Variants in FNBP1 observed in about 807,000 individuals in gnomAD.
FNBP1 encodes the protein formin-binding protein 1.
In FNBP1, 26 loss-of-function variants were observed where a neutral mutation model predicts 90.6. That is an observed-to-expected ratio of 0.29 (90% confidence interval 0.21 to 0.40). The LOEUF is 0.40. Among genes scored for constraint, FNBP1 ranks in the 10% least tolerant of loss-of-function variants. The pLI, the probability that FNBP1 is intolerant of heterozygous loss-of-function variation, is 1.00. For missense variants in FNBP1, 635 were observed against 768.0 expected (o/e 0.83, Z 2.05); for synonymous variants, 260 against 265.2 (o/e 0.98, Z 0.19).
At chr9:130,010,095 T>C (rs1204540415) in intron 1 of FNBP1, among the ~76,000 whole-genome samples, 1 of 152,114 alleles carries the variant, frequency 6.6e-6, no homozygotes. Flanking sequence ...AAGACATTAT[T>C]ACCCCCATAT....
intron 6 of FNBP1, among the ~76,000 whole-genome samples, chr9:129,943,910 G>T (rs567282532): frequency 0.037 from 5,408 of 147,374 alleles, 97 homozygotes; most frequent in South Asian, 0.067. Flanking sequence ...GGAGAGTGGC[G>T]TGAACCTGGG....
At chr9:129,892,989 T>TTGACAGAATGC (rs1564243248) in intron 16 of FNBP1, among the ~76,000 whole-genome samples, 1 of 152,102 alleles carries the variant, frequency 6.6e-6, no homozygotes, top group Non-Finnish European at 1.5e-5. Context: ...AATACACAGC[T>TTGACAGAATGC]TGACAGAATG....
intron 6 of FNBP1, among the ~76,000 whole-genome samples, chr9:129,953,486 T>G (rs1264463694): frequency 4.0e-5 from 6 of 151,702 alleles, no homozygotes; most frequent in African/African-American, 1.4e-4. Flanking sequence ...TGAGACTACG[T>G]CTCAGAAAAA....
At chr9:130,053,856 C>G in the FNBP1 span, 6 of 1,401,556 alleles carry the variant, frequency 4.3e-6, no homozygotes, top group East Asian at 1.0e-4. Context: ...CCCCGCTCCC[C>G]GGGCCCTTCC....
At position 129,978,589 on chromosome 9, in the gene FNBP1, A is replaced by G; in HGVS notation, c.221T>C (p.Ile74Thr). 3 of 1,613,932 alleles carry G rather than the reference A, an allele frequency of 1.9e-6. No individual in the cohort carries two copies. The South Asian group carries it at 3.3e-5, about 18-fold the overall frequency. Residue 74 changes from isoleucine (I) to threonine (T), a missense_variant, in exon 4 of 17, where the codon ATT (isoleucine) becomes ACT (threonine). Physicochemically the swap from Ile to Thr is moderately conservative, Grantham distance 89 (BLOSUM62 -1). Coordinates refer to ENST00000446176, the MANE Select transcript of FNBP1 (RefSeq NM_015033.3). ...EYKYTSCKAF[I>T]SNLNEMNDYA... ...ATCATTCATTTCGTTCAGGTTGGAA[A>G]TGAAAGCTTTACATGACGTATACCT...
intron 12 of FNBP1, 100 bp from the exon 13 acceptor site, chr9:129,903,101 C>G: frequency 4.3e-6 from 5 of 1,151,040 alleles, no homozygotes; most frequent in African/African-American, 1.6e-5. Context: ...GGTGCGATCT[C>G]GGCTCACTGC....
chr9:130,002,195 T>C (rs565909868), intron 1 of FNBP1, among the ~76,000 whole-genome samples: 2 of 152,134 alleles, frequency 1.3e-5, no homozygotes, highest in African/African-American at 4.8e-5. Flanking sequence ...TCTAAAAAAA[T>C]AAATAAAATA....
At chr9:130,013,367 C>T (rs2056861810) in intron 1 of FNBP1, among the ~76,000 whole-genome samples, 2 of 152,042 alleles carry the variant, frequency 1.3e-5, no homozygotes, top group Non-Finnish European at 2.9e-5. Flanking sequence ...ATATATTTAG[C>T]TTAATTAGTA....
At chr9:130,032,985 T>C (rs189354634) in intron 1 of FNBP1, among the ~76,000 whole-genome samples, 1 of 152,166 alleles carries the variant, frequency 6.6e-6, no homozygotes, top group African/African-American at 2.4e-5. Context: ...ATTGTATTGT[T>C]AACATGTACA....
intron 10 of FNBP1, among the ~76,000 whole-genome samples, chr9:129,918,471 A>T (rs558887981): frequency 6.6e-6 from 1 of 152,374 alleles, no homozygotes; most frequent in Admixed American, 6.5e-5. Context: ...CGTGGGAGCC[A>T]CAAGCGTCAA....
chr9:129,912,515 C>G (rs2039488004), intron 11 of FNBP1, among the ~76,000 whole-genome samples: 1 of 151,712 alleles, frequency 6.6e-6, no homozygotes, highest in Admixed American at 6.6e-5. Flanking sequence ...ATGGAAAAAC[C>G]CCGTCTCTAC....
chr9:129,910,069 G>A (rs2131561775), intron 11 of FNBP1: 1 of 454,454 alleles, frequency 2.2e-6, no homozygotes, highest in South Asian at 1.6e-5. Context: ...CACTGTGCAT[G>A]AGCTTTAAGG....
intron 6 of FNBP1, among the ~76,000 whole-genome samples, chr9:129,940,120 G>C (rs1032442653): frequency 6.6e-6 from 1 of 152,158 alleles, no homozygotes; most frequent in Non-Finnish European, 1.5e-5. Context: ...AGGATCACTT[G>C]AGCCCGGGAG....
intron 6 of FNBP1, among the ~76,000 whole-genome samples, chr9:129,933,174 G>A (rs2043000294): frequency 6.6e-6 from 1 of 151,996 alleles, no homozygotes; most frequent in African/African-American, 2.4e-5. Flanking sequence ...TCTCAAACAG[G>A]CATCACATCA....
intron 1 of FNBP1, among the ~76,000 whole-genome samples, chr9:130,001,510 C>A (rs992042457): frequency 6.6e-6 from 1 of 152,092 alleles, no homozygotes; most frequent in African/African-American, 2.4e-5. Flanking sequence ...TTGTAAACTC[C>A]ATGAGAAGGT....
intron 12 of FNBP1, among the ~76,000 whole-genome samples, chr9:129,906,174 C>T (rs574751890): frequency 1.6e-4 from 25 of 152,266 alleles, no homozygotes; most frequent in Non-Finnish European, 3.2e-4. Flanking sequence ...TGAGCCACCG[C>T]GCCTGGCCAA....
At chr9:129,912,371 T>A (rs749631024) in intron 11 of FNBP1, among the ~76,000 whole-genome samples, 1 of 152,086 alleles carries the variant, frequency 6.6e-6, no homozygotes, top group African/African-American at 2.4e-5. Flanking sequence ...CAAAACACAA[T>A]GCTAAGATAC....
rs183375414 is a variant in FNBP1 at position 129,961,677 on chromosome 9, C to G, written c.346-3124G>C. Among the ~76,000 whole-genome samples, 218 of 152,080 alleles carry G rather than the reference C, an allele frequency of 1.4e-3. 1 individual carries two copies. The highest frequency in any genetic ancestry group is 5.1e-3 in the African/African-American group (212 of 41,488). The stretch of plus-strand genomic sequence containing the variant: ...CTGCCTCCCTGTGACCTCTGCCTCC[C>G]GGGTTCAAGTGATTCTCCTGCCTCA... On this transcript the variant is annotated intron_variant, in intron 4 of 16. Coordinates refer to ENST00000446176, the MANE Select transcript of FNBP1 (RefSeq NM_015033.3).
At chr9:130,023,928 G>C (rs772261170) in intron 1 of FNBP1, among the ~76,000 whole-genome samples, 4 of 152,086 alleles carry the variant, frequency 2.6e-5, no homozygotes, top group Admixed American at 6.6e-5. Context: ...CAAGTACCTA[G>C]TGTATAAAAT....
Sources: gnomAD v4.1 joint callset for allele counts (sites outside exome capture counted in the v4.1 genomes callset) on GRCh38, gnomAD v4.1.1 for gene constraint, MANE v1.5 for transcripts, NCBI Gene and HGNC (gene_info 2026-07-23, HGNC 2026-07-21) for gene names.